Variants in SCN9A observed in about 807,000 individuals in gnomAD.
The protein encoded by SCN9A is sodium channel protein type 9 subunit alpha.
SCN9A carries 131 observed loss-of-function variants against 187.0 expected under a neutral mutation model. The ratio of observed to expected loss-of-function variants is 0.70; its 90% CI spans 0.61 to 0.81. The LOEUF is 0.81. Among genes scored for constraint, SCN9A ranks in the 30% least tolerant of loss-of-function variants. The pLI, the probability that SCN9A is intolerant of heterozygous loss-of-function variation, is 0.00. For missense variants in SCN9A, 2,252 were observed against 2,396.6 expected (o/e 0.94, Z 1.26); for synonymous variants, 809 against 808.6 (o/e 1.00, Z -0.01).
chr2:166,226,892 T>C (rs111795393), intron 23 of SCN9A, among the ~76,000 whole-genome samples, 188 bp from the exon 24 acceptor site: 1,584 of 152,184 alleles, frequency 0.01, 30 homozygotes, highest in African/African-American at 0.035. Context: ...ATTACATACT[T>C]ATTATTTAAT....
intron 17 of SCN9A, among the ~76,000 whole-genome samples, chr2:166,263,107 C>T (rs1696584717): frequency 6.6e-6 from 1 of 151,970 alleles, no homozygotes; most frequent in Non-Finnish European, 1.5e-5. Flanking sequence ...GAGCCTGCAT[C>T]CAATGAATGG....
rs1698417552 is a variant in SCN9A, at chr2:166,298,553, CT to C, written c.902-3892del. 3 of 152,302 alleles carry C rather than the reference CT, an allele frequency of 2.0e-5. No homozygotes were observed. In the South Asian group the frequency reaches 6.2e-4, roughly 32 times the overall value. The allele number at this position is 152,302 out of a possible 1,614,324, so 9.4% of individuals were successfully genotyped here. On this transcript the variant is annotated intron_variant, in intron 7 of 26. Transcript: ENST00000642356. ...ACTTTGCTATAGGCACCAGAAAATG[CT>C]TTTAGATTATGCTCAGGTTCTCTGT...
intron 1 of SCN9A, among the ~76,000 whole-genome samples, chr2:166,334,544 T>C (rs951381059): frequency 6.6e-6 from 1 of 152,128 alleles, no homozygotes; most frequent in African/African-American, 2.4e-5. Flanking sequence ...TTTCTTGTTG[T>C]TTCTGAAGAC....
chr2:166,283,310 A>G (rs1054068513), intron 12 of SCN9A, among the ~76,000 whole-genome samples: 1 of 152,160 alleles, frequency 6.6e-6, no homozygotes, highest in Admixed American at 6.5e-5. Flanking sequence ...TAGAGGTCAC[A>G]TGTTACCTAA....
Position 166,280,376 on chromosome 2 carries a change from A to G in SCN9A, c.2324T>C (p.Val775Ala), listed in dbSNP as rs1697423702. The change falls in exon 14 of 27, where the codon GTA becomes GCA. Residue 775 changes from valine (V) to alanine (A), a missense_variant. By Grantham distance (64) the Val-to-Ala change is moderately conservative. Around this residue, in one of 7 missense-constraint regions of SCN9A, gnomAD observed 1,013 missense variants for 997.4 expected, o/e 1.02. Coordinates refer to ENST00000642356, the MANE Select transcript of SCN9A (RefSeq NM_001365536.1). ...HHPMTEEFKN[V>A]LAIGNLVFTG... ...ACTTACCAAATTTCCTATAGCAAGTACATTTTTGAATTCCTCAGTCATTGG... is the reference window on the plus strand; with the variant it reads ...ACTTACCAAATTTCCTATAGCAAGTGCATTTTTGAATTCCTCAGTCATTGG... 1.9e-6 allele frequency: 3 copies of G among 1,573,692 alleles called. No homozygotes were observed. Among genetic ancestry groups the G allele is most frequent in the Non-Finnish European group, 2.6e-6 (3 of 1,155,654 alleles).
chr2:166,275,624 C>G (rs1440934860), intron 16 of SCN9A, among the ~76,000 whole-genome samples: 1 of 151,416 alleles, frequency 6.6e-6, no homozygotes, highest in Non-Finnish European at 1.5e-5. Context: ...GCTATAGGAG[C>G]TTATAAATAC....
intron 12 of SCN9A, among the ~76,000 whole-genome samples, chr2:166,282,175 C>T (rs1361870110): frequency 6.6e-6 from 1 of 152,142 alleles, no homozygotes; most frequent in Non-Finnish European, 1.5e-5. Context: ...GACAGTCCTA[C>T]ATGAAAACAG....
chr2:166,224,282 A>ACT (rs1355061096), intron 24 of SCN9A, among the ~76,000 whole-genome samples: 1 of 152,172 alleles, frequency 6.6e-6, no homozygotes, highest in Non-Finnish European at 1.5e-5. Context: ...ATCAGTGTAC[A>ACT]CTTTATAAAT....
chr2:166,201,009 G>A, intron 26 of SCN9A, among the ~76,000 whole-genome samples: 1 of 152,054 alleles, frequency 6.6e-6, no homozygotes, highest in East Asian at 1.9e-4. Context: ...ATTTATTATA[G>A]TGGTATAATG....
At chr2:166,327,644 A>G in intron 1 of SCN9A, among the ~76,000 whole-genome samples, 1 of 147,884 alleles carries the variant, frequency 6.8e-6, no homozygotes, top group East Asian at 2.0e-4. Context: ...AAACACTGGA[A>G]TTGAGCCAGC....
intron 19 of SCN9A, among the ~76,000 whole-genome samples, chr2:166,240,209 A>C (rs1558975169): frequency 6.6e-6 from 1 of 152,174 alleles, no homozygotes; most frequent in Non-Finnish European, 1.5e-5. Flanking sequence ...TAAATGAGAA[A>C]ATCTAAAAGA....
intron 1 of SCN9A, among the ~76,000 whole-genome samples, chr2:166,339,525 C>T (rs1393757480): frequency 6.6e-6 from 1 of 152,024 alleles, no homozygotes; most frequent in Non-Finnish European, 1.5e-5. Context: ...TCCCTATGTC[C>T]TAGTATTTTT....
chr2:166,269,438 G>A (rs1230393784), intron 17 of SCN9A, among the ~76,000 whole-genome samples: 1 of 151,950 alleles, frequency 6.6e-6, no homozygotes, highest in East Asian at 1.9e-4. Context: ...TGTTTGTTTT[G>A]TGTTTCAAAT....
At position 166,277,203 on chromosome 2, in the gene SCN9A, A is replaced by G. The variant is rs1271573481; in HGVS notation, c.2654T>C (p.Met885Thr). 1.9e-6 allele frequency: 3 copies of G among 1,614,146 alleles called. No homozygotes were observed. Among genetic ancestry groups the G allele is most frequent in the Non-Finnish European group, 2.5e-6 (3 of 1,180,002 alleles). The change falls in exon 16 of 27, where the codon ATG (methionine) becomes ACG (threonine). Residue 885 changes from methionine to threonine, a missense_variant. Met to Thr is a moderately conservative substitution (Grantham distance 81). Transcript: ENST00000642356. ...TTTGTAGCTCTTACCAAAGAGCTGC[A>G]TGCCGACCACAGCAAAAATGAAGAC... ...IIVFIFAVVGMQLFGKSYKEC... is the reference protein window; with the variant it reads ...IIVFIFAVVGTQLFGKSYKEC...
intron 21 of SCN9A, among the ~76,000 whole-genome samples, chr2:166,232,857 G>A (rs1005913909): frequency 6.8e-6 from 1 of 146,412 alleles, no homozygotes; most frequent in African/African-American, 2.5e-5. Flanking sequence ...TTCATATTCT[G>A]TATATATTAA....
At chr2:166,364,188 G>T (rs1700358900) in intron 1 of SCN9A, among the ~76,000 whole-genome samples, 2 of 151,210 alleles carry the variant, frequency 1.3e-5, no homozygotes, top group South Asian at 4.2e-4. Context: ...AAGAAACATT[G>T]ACAAGGGTGT....
At chr2:166,290,625 G>A (rs79359967) in intron 9 of SCN9A, among the ~76,000 whole-genome samples, 1 of 152,042 alleles carries the variant, frequency 6.6e-6, no homozygotes. Flanking sequence ...GACTTGAGAT[G>A]GTATCTCATT....
At chr2:166,369,347 T>C (rs918574319) in intron 1 of SCN9A, among the ~76,000 whole-genome samples, 21 of 152,212 alleles carry the variant, frequency 1.4e-4, no homozygotes, top group African/African-American at 3.9e-4. Context: ...TTTAACACTT[T>C]ATAAAAATAT....
At chr2:166,345,482 A>T (rs1475226553) in intron 1 of SCN9A, among the ~76,000 whole-genome samples, 1 of 151,996 alleles carries the variant, frequency 6.6e-6, no homozygotes, top group Non-Finnish European at 1.5e-5. Flanking sequence ...TCTTTTGAAA[A>T]CTTTCACCAC....
Sources: gnomAD v4.1 joint callset for allele counts (sites outside exome capture counted in the v4.1 genomes callset) on GRCh38, gnomAD v4.1.1 for gene constraint, gnomAD v4.1.1 regional missense constraint, MANE v1.5 for transcripts, NCBI Gene and HGNC (gene_info 2026-07-23, HGNC 2026-07-21) for gene names.